Variants in ZNF853 observed in about 807,000 individuals in gnomAD.
ZNF853 encodes the protein zinc finger protein 853.
Under a neutral mutation model 94.7 loss-of-function variants are expected in ZNF853, and 57 were observed. That is an observed-to-expected ratio of 0.60 (90% CI 0.49 to 0.75). The LOEUF is 0.75. Among genes scored for constraint, ZNF853 ranks in the 30% least tolerant of loss-of-function variants. The pLI, the probability that ZNF853 is intolerant of heterozygous loss-of-function variation, is 0.00. For missense variants in ZNF853, 785 were observed against 868.9 expected (o/e 0.90, Z 1.21); for synonymous variants, 448 against 406.3 (o/e 1.10, Z -1.23).
chr7:6,619,443 T>C, intron 2 of ZNF853, among the ~76,000 whole-genome samples: 1 of 151,812 alleles, frequency 6.6e-6, no homozygotes, highest in African/African-American at 2.4e-5. Flanking sequence ...GACTAATTTT[T>C]TGTATTTTAG....
rs1396045684 is a variant in ZNF853, at chr7:6,622,321, C to G, written c.1330C>G (p.Gln444Glu). ...VVAPPGYVVVQELMVLPAVAA... is the reference protein window; with the variant it reads ...VVAPPGYVVVEELMVLPAVAA... ...GGCTCCCCCGGGCTACGTGGTGGTG[C>G]AGGAGCTCATGGTGCTGCCCGCCGT... The change falls in exon 3 of 3, where the codon CAG (glutamine) becomes GAG (glutamate). Residue 444 changes from glutamine to glutamate, a missense_variant. Transcript: ENST00000457543. 1.3e-6 allele frequency: 2 copies of G among 1,507,566 alleles called. No individual in the cohort carries two copies. The highest frequency in any genetic ancestry group is 1.8e-6 in the Non-Finnish European group (2 of 1,135,502). The allele number at this position is 1,507,566 out of a possible 1,614,324, so 93.4% of individuals were successfully genotyped here. A position where few individuals can be genotyped will look rare whatever the true frequency, so the allele number is the denominator to read the frequency against.
intron 2 of ZNF853, among the ~76,000 whole-genome samples, chr7:6,619,917 C>G: frequency 6.6e-6 from 1 of 152,220 alleles, no homozygotes; most frequent in Non-Finnish European, 1.5e-5. Context: ...CACGCCCAGC[C>G]TAGTTAGTCC....
At chr7:6,617,145 A>AAAGC in intron 1 of ZNF853, 45 bp from the exon 2 acceptor site, 18 of 1,483,406 alleles carry the variant, frequency 1.2e-5, no homozygotes, top group Non-Finnish European at 1.4e-5. Flanking sequence ...GGCGGGGGTC[A>AAAGC]AAGCACTCCA....
Position 6,623,599 on chromosome 7 carries a change from A to C in ZNF853, c.*628A>C, listed in dbSNP as rs996705820. On this transcript the variant is annotated 3_prime_UTR_variant, in exon 3 of 3. Coordinates refer to ENST00000457543, the MANE Select transcript of ZNF853 (RefSeq NM_017560.3). ...GAGCGCTCACCGGGTCGATGTGCAA[A>C]TCCAAGCCAGGAAGTCCTGCTCCGG... is the stretch of plus-strand genomic sequence containing the variant. 2.3e-5 allele frequency: 8 copies of C among 350,282 alleles called. No homozygotes were observed. Among genetic ancestry groups the C allele is most frequent in the Non-Finnish European group, 3.6e-5 (7 of 196,166 alleles). 21.7% of individuals were successfully genotyped at this position (350,282 alleles called of 1,614,324 possible).
chr7:6,617,248 C>A lies in ZNF853; in HGVS notation c.71C>A (p.Thr24Asn), dbSNP rs1191454316. 6.5e-7 allele frequency: 1 copy of A among 1,531,922 alleles called. No homozygotes were observed. The highest frequency in any genetic ancestry group is 1.2e-5 in the South Asian group (1 of 82,964). The allele number at this position is 1,531,922 out of a possible 1,614,324, so 94.9% of individuals were successfully genotyped here. A position where few individuals can be genotyped will look rare whatever the true frequency, so the allele number is the denominator to read the frequency against. Reference protein sequence around the residue: ...ARMEVGPATETFVLELQCLED... With the variant: ...ARMEVGPATENFVLELQCLED... ...ATGGAAGTGGGGCCAGCCACCGAGA[C>A]CTTCGTGCTGGAACTTCAATGTCTT... The change falls in exon 2 of 3, where the codon ACC becomes AAC. Residue 24 changes from threonine (T) to asparagine (N), a missense_variant. Thr to Asn is a moderately conservative substitution (Grantham distance 65). Coordinates refer to ENST00000457543, the MANE Select transcript of ZNF853 (RefSeq NM_017560.3).
In ZNF853 at chr7:6,621,159, G is replaced by A. The variant is rs940873; in HGVS notation, c.168G>A (p.Glu56=). 0.27 allele frequency: 390,901 copies of A among 1,470,726 alleles called. 57,343 individuals are homozygous for A. Among genetic ancestry groups the A allele is most frequent in the East Asian group, 0.53 (21,298 of 40,284 alleles). 91.1% of individuals were successfully genotyped at this position (1,470,726 alleles called of 1,614,324 possible). The part of the protein sequence containing the change: ...SGGSESQEEE[E]PQERNSSPQR... Reference sequence around the variant, plus strand: ...GGAGCGAGAGTCAGGAGGAGGAAGAGCCTCAGGAGAGGAACAGCAGTCCAC... The same window carrying A: ...GGAGCGAGAGTCAGGAGGAGGAAGAACCTCAGGAGAGGAACAGCAGTCCAC... The change falls in exon 3 of 3, where the codon GAG becomes GAA. Residue 56 remains glutamate (E), a synonymous_variant. Coordinates refer to ENST00000457543, the MANE Select transcript of ZNF853 (RefSeq NM_017560.3).
Position 6,622,246 on chromosome 7 carries a change from G to A in ZNF853, c.1255G>A (p.Ala419Thr), listed in dbSNP as rs775989861. 555 of 1,521,128 alleles carry A rather than the reference G, an allele frequency of 3.6e-4. 2 individuals carry two copies. The Middle Eastern group carries it at 0.01, about 29-fold the overall frequency. The allele number at this position is 1,521,128 out of a possible 1,614,324, so 94.2% of individuals were successfully genotyped here. A position where few individuals can be genotyped will look rare whatever the true frequency, so the allele number is the denominator to read the frequency against. The change falls in exon 3 of 3, where the codon GCA becomes ACA. Residue 419 changes from alanine to threonine, a missense_variant. Ala to Thr is a moderately conservative substitution (Grantham distance 58, BLOSUM62 0). Coordinates refer to ENST00000457543, the MANE Select transcript of ZNF853 (RefSeq NM_017560.3). Reference protein sequence around the residue: ...PELQLELVPAAGGGGAAVPGA... With the variant: ...PELQLELVPATGGGGAAVPGA... ...GCTGCAGCTGGAACTGGTGCCAGCCGCAGGGGGCGGCGGAGCGGCGGTCCC... is the reference window on the plus strand; with the variant it reads ...GCTGCAGCTGGAACTGGTGCCAGCCACAGGGGGCGGCGGAGCGGCGGTCCC...
At chr7:6,620,717 G>A in intron 2 of ZNF853, among the ~76,000 whole-genome samples, 2 of 152,176 alleles carry the variant, frequency 1.3e-5, no homozygotes, top group South Asian at 4.1e-4. Flanking sequence ...CACCTCCTGA[G>A]TTCAAGTGAT....
In ZNF853 at chr7:6,622,909, G is replaced by A. The variant is rs1186130015; in HGVS notation, c.1918G>A (p.Gly640Ser). The change falls in exon 3 of 3, where the codon GGT becomes AGT. Residue 640 changes from glycine (G) to serine (S), a missense_variant. Gly to Ser is a moderately conservative substitution (Grantham distance 56). Coordinates refer to ENST00000457543, the MANE Select transcript of ZNF853 (RefSeq NM_017560.3). The stretch of plus-strand genomic sequence containing the variant: ...GCGCGCCTCGCGGCCGGCGGCCCTC[G>A]GTGGCCCAGCCCGCGCGGAGCAGGC... The part of the protein sequence containing the change: ...LLRASRPAAL[G>S]GPARAEQAAT... 1.7e-5 allele frequency: 21 copies of A among 1,250,366 alleles called. No individual in the cohort carries two copies. The highest frequency in any genetic ancestry group is 3.1e-4 in the Middle Eastern group (1 of 3,212). 77.5% of individuals were successfully genotyped at this position (1,250,366 alleles called of 1,614,324 possible).
In ZNF853 at chr7:6,615,691, G is replaced by C. The variant is rs1782484198; in HGVS notation, c.-484G>C. 1.4e-5 allele frequency: 2 copies of C among 142,186 alleles called. No homozygotes were observed. Among genetic ancestry groups the C allele is most frequent in the African/African-American group, 5.1e-5 (2 of 39,424 alleles). The allele number at this position is 142,186 out of a possible 1,614,324, so 8.8% of individuals were successfully genotyped here. A position where few individuals can be genotyped will look rare whatever the true frequency, so the allele number is the denominator to read the frequency against. Reference sequence around the variant, plus strand: ...CAGGGGGACCCGGCCTTGCCGCGGCGCCCGCCCCGCCCCCGCCCCGGCCCC... The same window carrying C: ...CAGGGGGACCCGGCCTTGCCGCGGCCCCCGCCCCGCCCCCGCCCCGGCCCC... On this transcript the variant is annotated 5_prime_UTR_variant, in exon 1 of 3. Transcript: ENST00000457543. This position sits in a 1 kb window ranked among gnomAD's most constrained non-coding sequence, Gnocchi z 8.5.
chr7:6,621,156 A>G lies in ZNF853; in HGVS notation c.165A>G (p.Glu55=). Residue 55 remains glutamate, a synonymous_variant, in exon 3 of 3, where the codon GAA becomes GAG. Coordinates refer to ENST00000457543, the MANE Select transcript of ZNF853 (RefSeq NM_017560.3). ...GSGGSESQEE[E]EPQERNSSPQ... is the part of the protein sequence containing the mutation. ...GTGGGAGCGAGAGTCAGGAGGAGGAAGAGCCTCAGGAGAGGAACAGCAGTC... is the reference window on the plus strand; with the variant it reads ...GTGGGAGCGAGAGTCAGGAGGAGGAGGAGCCTCAGGAGAGGAACAGCAGTC... 2 of 1,469,364 alleles carry G rather than the reference A, an allele frequency of 1.4e-6. No homozygotes were observed. Among genetic ancestry groups the G allele is most frequent in the Non-Finnish European group, 1.8e-6 (2 of 1,110,022 alleles). 91.0% of individuals were successfully genotyped at this position (1,469,364 alleles called of 1,614,324 possible).
In ZNF853 at chr7:6,623,123, A is replaced by T; in HGVS notation, c.*152A>T. On this transcript the variant is annotated 3_prime_UTR_variant, in exon 3 of 3. Coordinates refer to ENST00000457543, the MANE Select transcript of ZNF853 (RefSeq NM_017560.3). The stretch of plus-strand genomic sequence containing the variant: ...CATCATCATCATCATCATCTTCCGG[A>T]TTCCCTGAGAAAATACCAGGTTCAC... 1.5e-6 allele frequency: 1 copy of T among 649,132 alleles called. No homozygotes were observed. The highest frequency in any genetic ancestry group is 2.2e-6 in the Non-Finnish European group (1 of 455,242). 40.2% of individuals were successfully genotyped at this position (649,132 alleles called of 1,614,324 possible).
Position 6,621,482 on chromosome 7 carries a change from T to C in ZNF853, c.491T>C (p.Val164Ala). 1 of 1,551,728 alleles carries C rather than the reference T, an allele frequency of 6.4e-7. No individual in the cohort carries two copies. Residue 164 changes from valine to alanine, a missense_variant, in exon 3 of 3, where the codon GTG becomes GCG. By Grantham distance (64) the Val-to-Ala change is moderately conservative. Coordinates refer to ENST00000457543, the MANE Select transcript of ZNF853 (RefSeq NM_017560.3). ...CAGCAACAGTTACAGCCACAGCAAGTGCAAGAGCAACAGCGGTTGCAGCAG... is the reference window on the plus strand; with the variant it reads ...CAGCAACAGTTACAGCCACAGCAAGCGCAAGAGCAACAGCGGTTGCAGCAG... ...HQQQQLQPQQ[V>A]QEQQRLQQQQ...
Position 6,621,969 on chromosome 7 carries a change from G to T in ZNF853, c.978G>T (p.Pro326=). 6.4e-7 allele frequency: 1 copy of T among 1,550,844 alleles called. No homozygotes were observed. The highest frequency in any genetic ancestry group is 8.7e-7 in the Non-Finnish European group (1 of 1,146,996). The change falls in exon 3 of 3, where the codon CCG becomes CCT. Residue 326 remains proline, a synonymous_variant. Coordinates refer to ENST00000457543, the MANE Select transcript of ZNF853 (RefSeq NM_017560.3). ...AAGAGGTGGAGCTGGAGCTCATGCC[G>T]GTGGACCTGGGGTCAGAGCAGGAGC... ...EEEEVELELM[P]VDLGSEQELE... is the part of the protein sequence containing the mutation.
rs191155601 is a variant in ZNF853, at chr7:6,616,107, C to T, written c.-68C>T. 1.3e-6 allele frequency: 2 copies of T among 1,493,270 alleles called. No individual in the cohort carries two copies. Among genetic ancestry groups the T allele is most frequent in the African/African-American group, 1.4e-5 (1 of 71,044 alleles). The allele number at this position is 1,493,270 out of a possible 1,614,324, so 92.5% of individuals were successfully genotyped here. ...CCTCCGGAAGGAGCCGGCTGCACGC[C>T]GTGGCCTTCACCTCGCAGCCTCTGC... On this transcript the variant is annotated 5_prime_UTR_variant, in exon 1 of 3. Coordinates refer to ENST00000457543, the MANE Select transcript of ZNF853 (RefSeq NM_017560.3).
Position 6,616,168 on chromosome 7 carries a change from G to A in ZNF853, c.-7G>A. ...TCCCTAGCGCAGAGGCTGCCCGGGA[G>A]CAGGAAATGCTCCACCAGGTGAGGC... On this transcript the variant is annotated 5_prime_UTR_variant, in exon 1 of 3. Coordinates refer to ENST00000457543, the MANE Select transcript of ZNF853 (RefSeq NM_017560.3). 4 of 1,547,898 alleles carry A rather than the reference G, an allele frequency of 2.6e-6. No homozygotes were observed. The highest frequency in any genetic ancestry group is 2.6e-6 in the Non-Finnish European group (3 of 1,144,938).
chr7:6,616,717 A>G, intron 1 of ZNF853, among the ~76,000 whole-genome samples: 3 of 151,302 alleles, frequency 2.0e-5, no homozygotes, highest in Admixed American at 6.6e-5. Context: ...CCTGGGTGAC[A>G]GAGTGAGAAT....
intron 1 of ZNF853, 45 bp from the exon 2 acceptor site, chr7:6,617,145 A>G: frequency 6.7e-7 from 1 of 1,483,406 alleles, no homozygotes; most frequent in South Asian, 1.2e-5. Context: ...GGCGGGGGTC[A>G]AAGCACTCCA....
At position 6,622,897 on chromosome 7, in the gene ZNF853, C is replaced by T; in HGVS notation, c.1906C>T (p.Pro636Ser). 1 of 1,255,232 alleles carries T rather than the reference C, an allele frequency of 8.0e-7. No homozygotes were observed. Among genetic ancestry groups the T allele is most frequent in the Non-Finnish European group, 1.0e-6 (1 of 1,000,798 alleles). 77.8% of individuals were successfully genotyped at this position (1,255,232 alleles called of 1,614,324 possible). A position where few individuals can be genotyped will look rare whatever the true frequency, so the allele number is the denominator to read the frequency against. ...RGLGLLRASR[P>S]AALGGPARAE... ...CCTCGGCCTGCTGCGCGCCTCGCGG[C>T]CGGCGGCCCTCGGTGGCCCAGCCCG... Residue 636 changes from proline (P) to serine (S), a missense_variant, in exon 3 of 3, where the codon CCG (proline) becomes TCG (serine). Pro to Ser is a moderately conservative substitution (Grantham distance 74). Transcript: ENST00000457543.
Sources: gnomAD v4.1 joint callset for allele counts (sites outside exome capture counted in the v4.1 genomes callset) on GRCh38, gnomAD v4.1.1 for gene constraint, Gnocchi (gnomAD v3.1) non-coding constraint, MANE v1.5 for transcripts, NCBI Gene and HGNC (gene_info 2026-07-23, HGNC 2026-07-21) for gene names.